BBOX1: variants seen among roughly 807,000 people sequenced by gnomAD.
The protein encoded by BBOX1 is gamma-butyrobetaine dioxygenase.
A neutral mutation model predicts 41.6 loss-of-function variants in BBOX1; 35 were observed. The observed-to-expected ratio is 0.84, with a 90% confidence interval of 0.64 to 1.11. The LOEUF (loss-of-function observed/expected upper bound fraction) is 1.11. Ranked by LOEUF, BBOX1 falls within the 50% of genes most tolerant of loss-of-function variation. The pLI is 0.00. For synonymous variants in BBOX1, 163 were observed against 154.7 expected (o/e 1.05, Z -0.40); for missense variants, 458 against 460.6 (o/e 0.99, Z 0.05).
chr11:27,052,052 GT>G (rs1429293673), intron 2 of BBOX1, among the ~76,000 whole-genome samples: 1 of 151,718 alleles, frequency 6.6e-6, no homozygotes, highest in African/African-American at 2.4e-5. Context: ...CCCATTAGTT[GT>G]TCAGGAGTTT....
intron 2 of BBOX1, among the ~76,000 whole-genome samples, chr11:27,054,147 T>C (rs570987449): frequency 6.6e-6 from 1 of 151,970 alleles, no homozygotes; most frequent in Admixed American, 6.6e-5. Flanking sequence ...TGTCACTAAA[T>C]CCCCCAGTGC....
intron 2 of BBOX1, among the ~76,000 whole-genome samples, chr11:27,053,737 T>C (rs1856885598): frequency 6.6e-6 from 1 of 152,156 alleles, no homozygotes; most frequent in African/African-American, 2.4e-5. Flanking sequence ...TCCATAATGC[T>C]CCTCACTCAG....
chr11:27,104,708 T>G (rs541115582), intron 5 of BBOX1, among the ~76,000 whole-genome samples: 31 of 152,302 alleles, frequency 2.0e-4, no homozygotes, highest in Non-Finnish European at 4.4e-4. Context: ...TTCTGCAGAC[T>G]TAAATGTCCC....
chr11:27,115,592 G>A, intron 6 of BBOX1, 35 bp downstream of exon 6: 1 of 1,530,000 alleles, frequency 6.5e-7, no homozygotes, highest in Non-Finnish European at 9.0e-7. Flanking sequence ...CACAAAGCAT[G>A]ATGATGACCA....
chr11:27,111,426 T>C (rs747618858), intron 5 of BBOX1, among the ~76,000 whole-genome samples: 17 of 151,988 alleles, frequency 1.1e-4, no homozygotes, highest in Admixed American at 5.3e-4. Context: ...GGATCAATCT[T>C]ACCCCAAACC....
intron 4 of BBOX1, among the ~76,000 whole-genome samples, chr11:27,064,402 C>T (rs1296411369): frequency 2.0e-5 from 3 of 152,092 alleles, no homozygotes; most frequent in African/African-American, 7.2e-5. Context: ...CTCAGATACA[C>T]AGGTGGGAGA....
chr11:27,046,719 A>G (rs1167074242), intron 2 of BBOX1, among the ~76,000 whole-genome samples: 1 of 152,190 alleles, frequency 6.6e-6, no homozygotes, highest in Non-Finnish European at 1.5e-5. Flanking sequence ...AGCTATATAT[A>G]GGAGCTATAT....
intron 5 of BBOX1, among the ~76,000 whole-genome samples, chr11:27,105,195 C>T (rs183677650): frequency 6.6e-6 from 1 of 152,272 alleles, no homozygotes; most frequent in East Asian, 1.9e-4. Context: ...TCTTCCCCTC[C>T]AAAGGAACAC....
chr11:27,067,981 C>T (rs915434200), intron 4 of BBOX1, among the ~76,000 whole-genome samples: 3 of 151,966 alleles, frequency 2.0e-5, no homozygotes, highest in Non-Finnish European at 4.4e-5. Flanking sequence ...ATTCATTAGT[C>T]GATGGGCACT....
At chr11:27,118,699 T>C (rs1474447408) in intron 6 of BBOX1, among the ~76,000 whole-genome samples, 1 of 152,028 alleles carries the variant, frequency 6.6e-6, no homozygotes, top group Non-Finnish European at 1.5e-5. Flanking sequence ...GGCTCCATCA[T>C]CTTTTTTCTA....
intron 4 of BBOX1, among the ~76,000 whole-genome samples, chr11:27,064,000 T>C (rs1426077291): frequency 6.6e-6 from 1 of 152,194 alleles, no homozygotes; most frequent in Non-Finnish European, 1.5e-5. Context: ...GCAAAAATCT[T>C]GTGTGTTTTT....
intron 5 of BBOX1, among the ~76,000 whole-genome samples, chr11:27,110,897 T>C (rs1859036906): frequency 6.6e-6 from 1 of 151,990 alleles, no homozygotes; most frequent in African/African-American, 2.4e-5. Flanking sequence ...GGCATGTATA[T>C]ATAGTGAACA....
chr11:27,127,231 T>C (rs780357287), intron 8 of BBOX1, 62 bp from the exon 9 acceptor site: 1 of 1,543,222 alleles, frequency 6.5e-7, no homozygotes, highest in Non-Finnish European at 8.9e-7. Context: ...ATGTTACATT[T>C]TCTAGCTCTG....
chr11:27,093,674 T>C (rs1031939816), intron 5 of BBOX1, among the ~76,000 whole-genome samples: 1 of 81,286 alleles, frequency 1.2e-5, no homozygotes, highest in Admixed American at 9.5e-5. Context: ...TATTTATTTG[T>C]TTTTTTACAG....
At chr11:27,066,314 G>A (rs1857277457) in intron 4 of BBOX1, among the ~76,000 whole-genome samples, 1 of 152,058 alleles carries the variant, frequency 6.6e-6, no homozygotes, top group Non-Finnish European at 1.5e-5. Flanking sequence ...TATACATTTA[G>A]AAAATTCCAA....
intron 4 of BBOX1, among the ~76,000 whole-genome samples, chr11:27,074,210 G>T (rs1857561246): frequency 6.6e-6 from 1 of 151,976 alleles, no homozygotes; most frequent in Non-Finnish European, 1.5e-5. Flanking sequence ...GTGGAACTGT[G>T]AATCAATTAA....
At chr11:27,118,600 G>C (rs1430598985) in intron 6 of BBOX1, among the ~76,000 whole-genome samples, 1 of 151,856 alleles carries the variant, frequency 6.6e-6, no homozygotes, top group Non-Finnish European at 1.5e-5. Context: ...AAATATTTTT[G>C]GTTCTGAATG....
At position 27,115,458 on chromosome 11, in the gene BBOX1, T is replaced by C. The variant is rs745969550; in HGVS notation, c.540T>C (p.Thr180=). ...TGTTTCTTGCATTTTACAGACATAC[T>C]TGGCAAGTGCAAGACAAAATCGATG... is the stretch of plus-strand genomic sequence containing the variant. The part of the protein sequence containing the change: ...GFLYLTFYGH[T]WQVQDKIDAN... Residue 180 remains threonine (T), a synonymous_variant, in exon 6 of 9, where the codon ACT becomes ACC. Transcript: ENST00000263182. 1 of 1,608,940 alleles carries C rather than the reference T, an allele frequency of 6.2e-7. No homozygotes were observed. Among genetic ancestry groups the C allele is most frequent in the East Asian group, 2.2e-5 (1 of 44,644 alleles).
At chr11:27,089,773 G>A (rs1469675474) in intron 4 of BBOX1, among the ~76,000 whole-genome samples, 1 of 151,974 alleles carries the variant, frequency 6.6e-6, no homozygotes, top group Non-Finnish European at 1.5e-5. Context: ...ACTTAGGTGT[G>A]AGCTTTGGAA....
Sources: gnomAD v4.1 joint callset for allele counts (sites outside exome capture counted in the v4.1 genomes callset) on GRCh38, gnomAD v4.1.1 for gene constraint, MANE v1.5 for transcripts, NCBI Gene and HGNC (gene_info 2026-07-23, HGNC 2026-07-21) for gene names.